The following XRCC4 variants were observed in gnomAD, a reference collection of about 807,000 sequenced individuals.
XRCC4 encodes DNA repair protein XRCC4.
XRCC4 carries 28 observed loss-of-function variants against 39.1 expected under a neutral mutation model. That is an observed-to-expected ratio of 0.72 (90% CI 0.53 to 0.98). XRCC4 has a LOEUF of 0.98. XRCC4 is among the 50% of genes least tolerant of loss of function. The probability of loss-of-function intolerance (pLI) is 0.00; values close to 1 mark genes in which losing one functional copy is unlikely to be tolerated. For missense variants in XRCC4, 350 were observed against 376.4 expected (o/e 0.93, Z 0.58); for synonymous variants, 123 against 126.4 (o/e 0.97, Z 0.18).
At chr5:83,160,501 G>T (rs192623504) in intron 3 of XRCC4, among the ~76,000 whole-genome samples, 3 of 152,202 alleles carry the variant, frequency 2.0e-5, no homozygotes, top group Admixed American at 2.0e-4. Flanking sequence ...TTGTTCCAAG[G>T]TGTCAAATGT....
chr5:83,262,856 T>TA (rs1174455782), intron 7 of XRCC4, among the ~76,000 whole-genome samples: 4,319 of 148,880 alleles, frequency 0.029, 194 homozygotes, highest in African/African-American at 0.1. Flanking sequence ...TTTTTTTTTT[T>TA]TTATACTTTA....
intron 6 of XRCC4, among the ~76,000 whole-genome samples, chr5:83,229,845 T>G (rs2112812768): frequency 6.6e-6 from 1 of 152,038 alleles, no homozygotes; most frequent in African/African-American, 2.4e-5. Flanking sequence ...ATGTTTGCAT[T>G]ATTAGAAAGT....
At chr5:83,176,367 C>G (rs1051401837) in intron 3 of XRCC4, among the ~76,000 whole-genome samples, 2 of 151,918 alleles carry the variant, frequency 1.3e-5, no homozygotes, top group Non-Finnish European at 2.9e-5. Context: ...GTTGTGAATA[C>G]TTGATGACAG....
At chr5:83,293,625 A>G (rs1230854110) in intron 7 of XRCC4, among the ~76,000 whole-genome samples, 3 of 151,656 alleles carry the variant, frequency 2.0e-5, no homozygotes, top group South Asian at 2.1e-4. Flanking sequence ...TATCGAACCC[A>G]TTTTGCCCTA....
chr5:83,273,641 CCAG>C (rs1170912592), intron 7 of XRCC4, among the ~76,000 whole-genome samples: 3 of 152,070 alleles, frequency 2.0e-5, no homozygotes, highest in Non-Finnish European at 4.4e-5. Context: ...ATATGGCTAC[CCAG>C]TTTTCCCAGC....
chr5:83,244,269 T>C (rs1753019382), intron 6 of XRCC4, among the ~76,000 whole-genome samples: 1 of 152,196 alleles, frequency 6.6e-6, no homozygotes, highest in African/African-American at 2.4e-5. Flanking sequence ...ATTTCTATGT[T>C]GTAGGATTTT....
At chr5:83,119,939 G>A (rs1273548671) in intron 3 of XRCC4, among the ~76,000 whole-genome samples, 1 of 149,036 alleles carries the variant, frequency 6.7e-6, no homozygotes, top group African/African-American at 2.5e-5. Context: ...CTAAGGTTGT[G>A]CCAGTGCACT....
intron 7 of XRCC4, among the ~76,000 whole-genome samples, chr5:83,267,495 A>T (rs1420630419): frequency 6.6e-6 from 1 of 152,174 alleles, no homozygotes; most frequent in Non-Finnish European, 1.5e-5. Context: ...AATGGAAATG[A>T]TATGGGCAAT....
intron 7 of XRCC4, among the ~76,000 whole-genome samples, chr5:83,263,099 G>T: frequency 6.8e-6 from 1 of 147,192 alleles, no homozygotes. Context: ...GCGGTGTTTG[G>T]TTTTTTGTTC....
intron 3 of XRCC4, among the ~76,000 whole-genome samples, chr5:83,135,385 G>T (rs1369807055): frequency 7.8e-6 from 1 of 127,942 alleles, no homozygotes; most frequent in Non-Finnish European, 1.6e-5. Flanking sequence ...ATCTAAGGCA[G>T]TATGCCTTTT....
intron 1 of XRCC4, among the ~76,000 whole-genome samples, chr5:83,102,986 AGGGTT>A (rs1746009508): frequency 7.7e-6 from 1 of 129,348 alleles, no homozygotes; most frequent in African/African-American, 2.8e-5. Flanking sequence ...CTATATTCAT[AGGGTT>A]CCAGTAAAGA....
At chr5:83,262,148 AC>A (rs2112906100) in intron 7 of XRCC4, among the ~76,000 whole-genome samples, 1 of 152,250 alleles carries the variant, frequency 6.6e-6, no homozygotes, top group African/African-American at 2.4e-5. Context: ...CACAAACCCT[AC>A]AAGATAGGTA....
intron 6 of XRCC4, among the ~76,000 whole-genome samples, chr5:83,206,691 A>C (rs144594691): frequency 3.9e-4 from 60 of 152,286 alleles, no homozygotes; most frequent in African/African-American, 1.2e-3. Flanking sequence ...AATAAAAGAA[A>C]GAATATGTTT....
At chr5:83,190,883 C>A (rs1750663824) in intron 3 of XRCC4, among the ~76,000 whole-genome samples, 1 of 152,092 alleles carries the variant, frequency 6.6e-6, no homozygotes, top group African/African-American at 2.4e-5. Flanking sequence ...TAACTGTGCC[C>A]TTTTTGTTTA....
At chr5:83,282,801 C>G (rs1360159068) in intron 7 of XRCC4, among the ~76,000 whole-genome samples, 1 of 152,050 alleles carries the variant, frequency 6.6e-6, no homozygotes, top group African/African-American at 2.4e-5. Context: ...GAGATTGCGC[C>G]ACTGCACTCC....
At chr5:83,258,766 G>T in intron 7 of XRCC4, 89 bp downstream of exon 7, 1 of 1,397,870 alleles carries the variant, frequency 7.2e-7, no homozygotes, top group South Asian at 1.3e-5. Flanking sequence ...CATTTTGAAC[G>T]TTTTTAAAGT....
At chr5:83,208,995 A>T (rs1427480919) in intron 6 of XRCC4, among the ~76,000 whole-genome samples, 1 of 151,900 alleles carries the variant, frequency 6.6e-6, no homozygotes, top group African/African-American at 2.4e-5. Flanking sequence ...AAAAGTAGGG[A>T]TCACTTTCAC....
chr5:83,124,139 G>A (rs1747146092), intron 3 of XRCC4, among the ~76,000 whole-genome samples: 1 of 152,024 alleles, frequency 6.6e-6, no homozygotes. Flanking sequence ...TATTGTTCTT[G>A]TTGTTGTTTC....
intron 6 of XRCC4, among the ~76,000 whole-genome samples, chr5:83,230,583 C>T (rs1024527377): frequency 6.6e-6 from 1 of 151,926 alleles, no homozygotes; most frequent in African/African-American, 2.4e-5. Context: ...ACAAAAATAG[C>T]ATCTGATAGT....
Sources: gnomAD v4.1 joint callset for allele counts (sites outside exome capture counted in the v4.1 genomes callset) on GRCh38, gnomAD v4.1.1 for gene constraint, MANE v1.5 for transcripts, NCBI Gene and HGNC (gene_info 2026-07-23, HGNC 2026-07-21) for gene names.